The following GALNT13 variants were observed in gnomAD, a reference collection of about 807,000 sequenced individuals.
The protein encoded by GALNT13 is polypeptide N-acetylgalactosaminyltransferase 13.
GALNT13 carries 28 observed loss-of-function variants against 64.2 expected under a neutral mutation model. The observed-to-expected ratio is 0.44, with a 90% CI of 0.32 to 0.60. GALNT13 has a LOEUF of 0.60. GALNT13 is among the 20% of genes least tolerant of loss of function. GALNT13 has a pLI of 0.05. For missense variants in GALNT13, 577 were observed against 669.8 expected, an observed-to-expected ratio of 0.86 and a Z score of 1.53; for synonymous variants, 214 against 224.6, an observed-to-expected ratio of 0.95 and a Z score of 0.42.
chr2:154,052,993 G>C (rs913201403), intron 3 of GALNT13, among the ~76,000 whole-genome samples: 2 of 151,858 alleles, frequency 1.3e-5, no homozygotes, highest in African/African-American at 4.8e-5. Context: ...AGGCCGCCTC[G>C]GTCTCCCAAA....
At chr2:153,717,950 T>C in the GALNT13 span, among the ~76,000 whole-genome samples, 1 of 152,022 alleles carries the variant, frequency 6.6e-6, no homozygotes, top group South Asian at 2.1e-4. Flanking sequence ...AATAAAAATA[T>C]CTAAAAATTA....
the GALNT13 span, among the ~76,000 whole-genome samples, chr2:153,079,850 T>C: frequency 2.6e-5 from 4 of 152,214 alleles, no homozygotes; most frequent in Admixed American, 1.3e-4. Flanking sequence ...AAGGATGCGC[T>C]GCGCTATGGG....
the GALNT13 span, among the ~76,000 whole-genome samples, chr2:153,788,426 T>C: frequency 6.6e-6 from 1 of 151,850 alleles, no homozygotes; most frequent in African/African-American, 2.4e-5. Context: ...TCACCAGACA[T>C]GCCTTACAAG....
chr2:154,081,858 C>T (rs1445812735), intron 3 of GALNT13, among the ~76,000 whole-genome samples: 2 of 151,736 alleles, frequency 1.3e-5, no homozygotes, highest in Non-Finnish European at 3.0e-5. Flanking sequence ...CACAATAAAA[C>T]AGTGCTTGAG....
chr2:154,084,577 C>T, intron 3 of GALNT13, among the ~76,000 whole-genome samples: 1 of 152,000 alleles, frequency 6.6e-6, no homozygotes, highest in Admixed American at 6.6e-5. Flanking sequence ...TCACTTGCCT[C>T]TATTACAAAT....
At chr2:153,279,251 C>T in the GALNT13 span, among the ~76,000 whole-genome samples, 2 of 152,138 alleles carry the variant, frequency 1.3e-5, no homozygotes, top group African/African-American at 4.8e-5. Context: ...GTTCCAGGAG[C>T]CTTTTAGAGG....
At chr2:153,326,363 T>G in the GALNT13 span, among the ~76,000 whole-genome samples, 1 of 152,004 alleles carries the variant, frequency 6.6e-6, no homozygotes, top group African/African-American at 2.4e-5. Context: ...ATCCCTTTAT[T>G]TTGAGCCTAT....
chr2:153,301,968 T>C, the GALNT13 span, among the ~76,000 whole-genome samples: 1 of 151,986 alleles, frequency 6.6e-6, no homozygotes, highest in Non-Finnish European at 1.5e-5. Flanking sequence ...TTAGGTTGAT[T>C]CCATATCTTG....
At chr2:154,425,768 A>C (rs745433796) in intron 11 of GALNT13, among the ~76,000 whole-genome samples, 2 of 152,220 alleles carry the variant, frequency 1.3e-5, no homozygotes, top group Non-Finnish European at 2.9e-5. Flanking sequence ...TCAGCAGTTC[A>C]TGAAGGTGAT....
chr2:153,752,564 A>C, the GALNT13 span, among the ~76,000 whole-genome samples: 1 of 151,692 alleles, frequency 6.6e-6, no homozygotes. Context: ...ATGTCATGCC[A>C]CTCTCTCTCT....
intron 3 of GALNT13, among the ~76,000 whole-genome samples, chr2:153,973,674 A>T (rs1693889817): frequency 6.7e-6 from 1 of 150,262 alleles, no homozygotes; most frequent in South Asian, 2.1e-4. Context: ...AAAGCATCTA[A>T]CAAAGTATCT....
At chr2:153,309,248 AG>A in the GALNT13 span, among the ~76,000 whole-genome samples, 21 of 152,200 alleles carry the variant, frequency 1.4e-4, no homozygotes, top group Non-Finnish European at 2.4e-4. Flanking sequence ...GACTCTGAGT[AG>A]GAAGTTGAAC....
the GALNT13 span, among the ~76,000 whole-genome samples, chr2:153,704,485 T>C: frequency 6.6e-6 from 1 of 152,194 alleles, no homozygotes; most frequent in Non-Finnish European, 1.5e-5. Flanking sequence ...ATTGAAAATA[T>C]AATATACTTC....
Position 154,409,001 on chromosome 2 carries a change from CA to C in GALNT13, c.1316del (p.Asn439IlefsTer4), listed in dbSNP as rs1227374182. 1.2e-6 allele frequency: 2 copies of C among 1,608,646 alleles called. No individual in the cohort carries two copies. On this transcript the variant is annotated frameshift_variant, in exon 11 of 13. Coordinates refer to ENST00000392825, the MANE Select transcript of GALNT13 (RefSeq NM_052917.4). LOFTEE classifies it high-confidence loss of function. ...TCCTTTAGATAAGAAATGTTGAAACCAATCAGTGTTTAGACAACATGGGCCG... is the reference window on the plus strand; with the variant it reads ...TCCTTTAGATAAGAAATGTTGAAACCATCAGTGTTTAGACAACATGGGCCG... ...SLGEIRNVET[N>X]QCLDNMGRKE...
chr2:153,297,555 T>C, the GALNT13 span, among the ~76,000 whole-genome samples: 1 of 152,214 alleles, frequency 6.6e-6, no homozygotes, highest in Non-Finnish European at 1.5e-5. Context: ...AGTAAAAATT[T>C]AGAAATGTAG....
intron 9 of GALNT13, among the ~76,000 whole-genome samples, chr2:154,313,008 A>G (rs1026660074): frequency 6.6e-6 from 1 of 151,960 alleles, no homozygotes; most frequent in African/African-American, 2.4e-5. Flanking sequence ...CGGTATAAAT[A>G]TTATTTGTTG....
chr2:154,210,251 T>G lies in GALNT13; in HGVS notation c.312-31779T>G, dbSNP rs74369374. Among the ~76,000 whole-genome samples, 1,032 of 152,300 alleles carry G rather than the reference T, an allele frequency of 6.8e-3. 10 individuals carry two copies. The highest frequency in any genetic ancestry group is 0.024 in the African/African-American group (998 of 41,556). ...CACTCATCCATTGATGGACACTTTG[T>G]TCGATATCATATATTAACTGTTGTG... On this transcript the variant is annotated intron_variant, in intron 4 of 12. Coordinates refer to ENST00000392825, the MANE Select transcript of GALNT13 (RefSeq NM_052917.4).
the GALNT13 span, among the ~76,000 whole-genome samples, chr2:153,803,623 C>T: frequency 7.0e-6 from 1 of 142,142 alleles, no homozygotes; most frequent in African/African-American, 2.6e-5. Flanking sequence ...ACCCTGGAGG[C>T]GGAGCTTGCA....
chr2:154,194,000 C>T (rs192731898), intron 4 of GALNT13, among the ~76,000 whole-genome samples: 1 of 152,200 alleles, frequency 6.6e-6, no homozygotes, highest in African/African-American at 2.4e-5. Flanking sequence ...TTATTACCAT[C>T]GTAAGATAAG....
Sources: allele counts gnomAD v4.1 joint callset (sites outside exome capture counted in the v4.1 genomes callset), GRCh38; gene constraint gnomAD v4.1.1; transcripts MANE v1.5; gene names NCBI Gene and HGNC (gene_info 2026-07-23, HGNC 2026-07-21).